Variants in GPC5 observed in about 807,000 individuals in gnomAD.
GPC5 encodes the protein glypican-5.
Under a neutral mutation model 53.9 loss-of-function variants are expected in GPC5, and 47 were observed. The ratio of observed to expected loss-of-function variants is 0.87; its 90% CI spans 0.69 to 1.11. GPC5 has a LOEUF of 1.11. Ranked by LOEUF, GPC5 falls within the 50% of genes most tolerant of loss-of-function variation. The pLI is 0.00. For missense variants in GPC5, 748 were observed against 713.1 expected (o/e 1.05, Z -0.56); for synonymous variants, 286 against 263.3 (o/e 1.09, Z -0.84).
At chr13:92,844,933 A>G (rs1021683901) in intron 7 of GPC5, among the ~76,000 whole-genome samples, 1 of 152,094 alleles carries the variant, frequency 6.6e-6, no homozygotes, top group African/African-American at 2.4e-5. Flanking sequence ...TTCTCTGTCC[A>G]CACTGCTCAC....
At chr13:92,661,253 C>T (rs573240146) in intron 7 of GPC5, among the ~76,000 whole-genome samples, 32 of 151,180 alleles carry the variant, frequency 2.1e-4, no homozygotes, top group Non-Finnish European at 4.4e-4. Context: ...CATATCATGC[C>T]AATGCACTCT....
chr13:91,778,265 T>A (rs1362149018), intron 5 of GPC5, among the ~76,000 whole-genome samples: 1 of 152,178 alleles, frequency 6.6e-6, no homozygotes, highest in Non-Finnish European at 1.5e-5. Context: ...TCAGGCAGTG[T>A]TTTTATTATA....
chr13:92,243,211 C>A (rs957864718), intron 7 of GPC5, among the ~76,000 whole-genome samples: 8 of 152,172 alleles, frequency 5.3e-5, no homozygotes, highest in Non-Finnish European at 1.0e-4. Flanking sequence ...AGACTTTTCA[C>A]AACTACATAT....
intron 7 of GPC5, among the ~76,000 whole-genome samples, chr13:92,479,621 T>C (rs1356537399): frequency 6.6e-6 from 1 of 152,174 alleles, no homozygotes; most frequent in East Asian, 1.9e-4. Flanking sequence ...CTCCAGTTTC[T>C]TCTTCTTTCC....
intron 5 of GPC5, among the ~76,000 whole-genome samples, chr13:91,816,969 A>G (rs1474718734): frequency 6.6e-6 from 1 of 152,236 alleles, no homozygotes; most frequent in African/African-American, 2.4e-5. Context: ...GTCTGTACTA[A>G]GAACACGTAT....
At chr13:91,785,499 A>C (rs1191777194) in intron 5 of GPC5, among the ~76,000 whole-genome samples, 4 of 140,174 alleles carry the variant, frequency 2.9e-5, no homozygotes, top group Admixed American at 6.9e-5. Flanking sequence ...CATGAATACG[A>C]TATTGATTAA....
intron 7 of GPC5, among the ~76,000 whole-genome samples, chr13:92,833,207 G>A (rs1163527773): frequency 6.6e-6 from 1 of 152,084 alleles, no homozygotes; most frequent in Non-Finnish European, 1.5e-5. Context: ...ACAGAAAGAG[G>A]GAGGCTAGAT....
At chr13:92,249,117 T>A (rs9523551) in intron 7 of GPC5, among the ~76,000 whole-genome samples, 85,658 of 151,932 alleles carry the variant, frequency 0.56, 24,424 homozygotes, top group South Asian at 0.65. Flanking sequence ...TAATAATCAC[T>A]TCGGGGTAAA....
intron 7 of GPC5, among the ~76,000 whole-genome samples, chr13:92,424,949 T>C (rs1039008138): frequency 2.6e-5 from 4 of 152,076 alleles, no homozygotes; most frequent in Admixed American, 6.5e-5. Context: ...AAGTAGATGT[T>C]GAGTATTTCT....
intron 6 of GPC5, among the ~76,000 whole-genome samples, chr13:92,065,770 A>G (rs1205999899): frequency 6.6e-6 from 1 of 152,122 alleles, no homozygotes; most frequent in East Asian, 1.9e-4. Flanking sequence ...GTTTCCAGTC[A>G]TCCAGTTTTG....
intron 7 of GPC5, among the ~76,000 whole-genome samples, chr13:92,604,964 ATAAAG>A (rs1194332371): frequency 1.3e-5 from 2 of 152,240 alleles, no homozygotes; most frequent in Non-Finnish European, 2.9e-5. Flanking sequence ...CAATTTAGGC[ATAAAG>A]TATTCTGGAG....
chr13:92,438,408 A>G (rs1344429574), intron 7 of GPC5, among the ~76,000 whole-genome samples: 1 of 135,098 alleles, frequency 7.4e-6, no homozygotes, highest in Non-Finnish European at 1.7e-5. Context: ...ATATATATAT[A>G]TTACGAGACA....
chr13:91,583,352 G>T (rs568406695), intron 2 of GPC5, among the ~76,000 whole-genome samples: 1 of 152,252 alleles, frequency 6.6e-6, no homozygotes, highest in East Asian at 1.9e-4. Flanking sequence ...AGCCAAGGTT[G>T]TGAACATGAG....
At chr13:92,821,245 C>A (rs973266080) in intron 7 of GPC5, among the ~76,000 whole-genome samples, 3 of 152,284 alleles carry the variant, frequency 2.0e-5, no homozygotes, top group Non-Finnish European at 2.9e-5. Context: ...TAATGCTCTG[C>A]ATTCCATTTA....
chr13:92,392,822 A>T (rs934512942), intron 7 of GPC5, among the ~76,000 whole-genome samples: 2 of 152,218 alleles, frequency 1.3e-5, no homozygotes, highest in Non-Finnish European at 2.9e-5. Context: ...TGATCATTGG[A>T]GAAATGCAAA....
intron 2 of GPC5, among the ~76,000 whole-genome samples, chr13:91,621,041 C>T (rs910056964): frequency 3.3e-5 from 5 of 152,088 alleles, no homozygotes; most frequent in Non-Finnish European, 5.9e-5. Context: ...CTATGTCCAA[C>T]GTTGCAACAA....
chr13:92,060,417 T>C (rs942679987), intron 6 of GPC5, among the ~76,000 whole-genome samples: 6 of 152,132 alleles, frequency 3.9e-5, no homozygotes, highest in Non-Finnish European at 7.3e-5. Flanking sequence ...TGAAGGACTT[T>C]TTAAAATTCG....
chr13:92,831,161 C>T (rs1407456107), intron 7 of GPC5, among the ~76,000 whole-genome samples: 1 of 152,092 alleles, frequency 6.6e-6, no homozygotes, highest in Non-Finnish European at 1.5e-5. Flanking sequence ...CATGGCTAGG[C>T]TTGGCTTGAA....
At chr13:92,116,271 A>C (rs1594769472) in intron 6 of GPC5, among the ~76,000 whole-genome samples, 1 of 1,074 alleles carries the variant, frequency 9.3e-4, no homozygotes, top group African/African-American at 9.7e-4. Context: ...ACAAACAAAC[A>C]AAAAAAAAAA....
Sources: gnomAD v4.1 joint callset for allele counts (sites outside exome capture counted in the v4.1 genomes callset) on GRCh38, gnomAD v4.1.1 for gene constraint, MANE v1.5 for transcripts, NCBI Gene and HGNC (gene_info 2026-07-23, HGNC 2026-07-21) for gene names.